The following OPCML variants were observed in gnomAD, a reference collection of about 807,000 sequenced individuals.
OPCML encodes the protein opioid binding protein/cell adhesion molecule like.
In OPCML, 13 loss-of-function variants were observed where a neutral mutation model predicts 37.8. The ratio of observed to expected loss-of-function variants is 0.34; its 90% CI spans 0.22 to 0.55. The LOEUF is 0.55. OPCML is among the 20% of genes least tolerant of loss of function. The pLI is 0.91. For synonymous variants in OPCML, 176 were observed against 168.8 expected (o/e 1.04, Z -0.33); for missense variants, 341 against 435.6 (o/e 0.78, Z 1.93).
Position 132,975,118 on chromosome 11 carries a change from T to G in OPCML, c.62-32108A>C, listed in dbSNP as rs540767429. On this transcript the variant is annotated intron_variant, in intron 1 of 7. Transcript: ENST00000524381. The stretch of plus-strand genomic sequence containing the variant: ...CCTTGATGCCACTATAGGTGCTGAT[T>G]ATACAGATGTGAACAATATAGACCA... Among the ~76,000 whole-genome samples the G allele has an allele frequency of 4.8e-4, 73 of 151,982 alleles. 1 individual carries two copies. The highest frequency in any genetic ancestry group is 1.7e-3 in the African/African-American group (70 of 41,470).
At chr11:133,083,158 G>C (rs190039190) in intron 1 of OPCML, among the ~76,000 whole-genome samples, 3 of 151,846 alleles carry the variant, frequency 2.0e-5, no homozygotes, top group Non-Finnish European at 4.4e-5. Flanking sequence ...ACACACACAC[G>C]CACACACCCC....
chr11:133,484,019 A>G (rs1185859455), intron 1 of OPCML, among the ~76,000 whole-genome samples: 2 of 147,130 alleles, frequency 1.4e-5, no homozygotes, highest in African/African-American at 5.0e-5. Context: ...ATAGACAAAT[A>G]GATGGACAGA....
intron 1 of OPCML, among the ~76,000 whole-genome samples, chr11:133,278,352 C>A (rs766151901): frequency 1.3e-5 from 2 of 152,016 alleles, no homozygotes; most frequent in Non-Finnish European, 2.9e-5. Flanking sequence ...TTTGGTTTTG[C>A]TTTCCCTCAA....
In OPCML at chr11:132,975,529, C is replaced by CAAAAAAAAAAAAAA. The variant is rs56882175; in HGVS notation, c.62-32533_62-32520dup. ...CTGGATGTCCCATCCAGGTTTCAAG[C>CAAAAAAAAAAAAAA]AAAAAAAAAAAAAAAAAAAAAAAAA... On this transcript the variant is annotated intron_variant, in intron 1 of 7. Transcript: ENST00000524381. 2.1e-4 allele frequency among the ~76,000 whole-genome samples: 9 copies of CAAAAAAAAAAAAAA among 42,800 alleles called. 2 individuals carry two copies. Among genetic ancestry groups the CAAAAAAAAAAAAAA allele is most frequent in the Non-Finnish European group, 2.6e-4 (6 of 23,464 alleles). The allele number at this position is 42,800 out of a possible 152,430, so 28.1% of individuals were successfully genotyped here.
intron 1 of OPCML, among the ~76,000 whole-genome samples, chr11:133,323,159 C>T (rs890936447): frequency 2.0e-5 from 3 of 152,122 alleles, no homozygotes; most frequent in Non-Finnish European, 4.4e-5. Context: ...CACTCCTACC[C>T]ACAGTGGACA....
chr11:133,455,426 G>A (rs1047911288), intron 1 of OPCML, among the ~76,000 whole-genome samples: 5 of 152,082 alleles, frequency 3.3e-5, no homozygotes, highest in African/African-American at 1.2e-4. Flanking sequence ...TGCATCTAAT[G>A]AATGTTCTCA....
chr11:133,224,156 G>A (rs759327456), intron 1 of OPCML, among the ~76,000 whole-genome samples: 2 of 152,202 alleles, frequency 1.3e-5, no homozygotes, highest in Non-Finnish European at 2.9e-5. Context: ...TTGGGATCAG[G>A]AAGGAGCACT....
chr11:132,676,417 TA>T (rs1209765586), intron 2 of OPCML, among the ~76,000 whole-genome samples: 4 of 151,704 alleles, frequency 2.6e-5, no homozygotes, highest in Non-Finnish European at 4.4e-5. Context: ...AAGCAACAAA[TA>T]AAAAAATTGA....
chr11:132,677,846 T>C (rs1025716951), intron 2 of OPCML, among the ~76,000 whole-genome samples: 5 of 152,168 alleles, frequency 3.3e-5, no homozygotes, highest in Admixed American at 3.3e-4. Context: ...GGTTTGGCAA[T>C]GACTTTTTAA....
At chr11:132,498,593 C>A (rs767788515) in intron 4 of OPCML, among the ~76,000 whole-genome samples, 1 of 152,148 alleles carries the variant, frequency 6.6e-6, no homozygotes, top group Non-Finnish European at 1.5e-5. Context: ...TTATACTCTA[C>A]GACCCCTCCA....
chr11:133,503,698 G>C (rs765810682), intron 1 of OPCML, among the ~76,000 whole-genome samples: 1 of 152,192 alleles, frequency 6.6e-6, no homozygotes, highest in Non-Finnish European at 1.5e-5. Flanking sequence ...GTCAGGCTGG[G>C]AGCTTTCCCA....
chr11:133,054,442 C>T (rs1411369869), intron 1 of OPCML, among the ~76,000 whole-genome samples: 2 of 152,180 alleles, frequency 1.3e-5, no homozygotes, highest in African/African-American at 2.4e-5. Context: ...CCAGAAGTGC[C>T]ACACTGGAAC....
At chr11:133,202,068 C>G (rs1938823247) in intron 1 of OPCML, among the ~76,000 whole-genome samples, 1 of 152,096 alleles carries the variant, frequency 6.6e-6, no homozygotes, top group Middle Eastern at 3.2e-3. Flanking sequence ...TCACTGTCAG[C>G]CATTGAGAAC....
chr11:133,163,176 C>G (rs1402911632), intron 1 of OPCML, among the ~76,000 whole-genome samples: 1 of 152,184 alleles, frequency 6.6e-6, no homozygotes, highest in African/African-American at 2.4e-5. Context: ...TTGCCACTCT[C>G]ATTATTTCAG....
At chr11:132,672,678 G>C (rs1418636105) in intron 2 of OPCML, among the ~76,000 whole-genome samples, 1 of 152,100 alleles carries the variant, frequency 6.6e-6, no homozygotes, top group Non-Finnish European at 1.5e-5. Context: ...AAGAGAGCGA[G>C]AATTGTTTCC....
At chr11:133,089,524 C>A (rs1456515150) in intron 1 of OPCML, among the ~76,000 whole-genome samples, 1 of 152,184 alleles carries the variant, frequency 6.6e-6, no homozygotes, top group Non-Finnish European at 1.5e-5. Flanking sequence ...TAGCAACATA[C>A]TCTGTGCTAA....
intron 1 of OPCML, among the ~76,000 whole-genome samples, chr11:133,399,477 C>T (rs2136833470): frequency 6.6e-6 from 1 of 152,314 alleles, no homozygotes; most frequent in Non-Finnish European, 1.5e-5. Flanking sequence ...CCAGCCTCCT[C>T]ATCACCATCA....
At chr11:132,542,873 G>C (rs1471636479) in intron 3 of OPCML, among the ~76,000 whole-genome samples, 1 of 152,142 alleles carries the variant, frequency 6.6e-6, no homozygotes. Context: ...GCTTTGTGCT[G>C]CCAAGATTAG....
chr11:132,618,463 A>C (rs1229834196), intron 3 of OPCML, among the ~76,000 whole-genome samples: 1 of 152,090 alleles, frequency 6.6e-6, no homozygotes. Flanking sequence ...AGATGGCACC[A>C]TTGCACTCCA....
Sources: gnomAD v4.1 joint callset for allele counts (sites outside exome capture counted in the v4.1 genomes callset) on GRCh38, gnomAD v4.1.1 for gene constraint, MANE v1.5 for transcripts, NCBI Gene and HGNC (gene_info 2026-07-23, HGNC 2026-07-21) for gene names.